The following CD109 variants were observed in gnomAD, a reference collection of about 807,000 sequenced individuals.
CD109 encodes CD109 molecule.
Under a neutral mutation model 165.8 loss-of-function variants are expected in CD109, and 149 were observed. The observed-to-expected ratio is 0.90, with a 90% CI of 0.79 to 1.03. The LOEUF is 1.03. Ranked by LOEUF, CD109 falls within the 50% of genes least tolerant of loss-of-function variation. CD109 has a pLI of 0.00. For synonymous variants in CD109, 585 were observed against 592.1 expected (o/e 0.99, Z 0.18); for missense variants, 1,712 against 1,677.8 (o/e 1.02, Z -0.36).
rs554620548 is a variant in CD109, at chr6:73,825,070, T to C, written c.*1437T>C. 2 of 152,352 alleles carry C rather than the reference T, an allele frequency of 1.3e-5. No individual in the cohort carries two copies. The highest frequency in any genetic ancestry group is 4.8e-5 in the African/African-American group (2 of 41,584). The allele number at this position is 152,352 out of a possible 1,614,324, so 9.4% of individuals were successfully genotyped here. A position where few individuals can be genotyped will look rare whatever the true frequency, so the allele number is the denominator to read the frequency against. ...AAGTATGCAAATGTATCTTTTAAAG[T>C]TAATTTTTAAAAATGCTCTTATTTT... is the stretch of plus-strand genomic sequence containing the variant. On this transcript the variant is annotated 3_prime_UTR_variant, in exon 33 of 33. Coordinates refer to ENST00000287097, the MANE Select transcript of CD109 (RefSeq NM_133493.5).
In CD109 at chr6:73,826,375, A is replaced by G. The variant is rs1776277543; in HGVS notation, c.*2742A>G. 1 of 152,200 alleles carries G rather than the reference A, an allele frequency of 6.6e-6. No homozygotes were observed. Among genetic ancestry groups the G allele is most frequent in the Non-Finnish European group, 1.5e-5 (1 of 68,042 alleles). The allele number at this position is 152,200 out of a possible 1,614,324, so 9.4% of individuals were successfully genotyped here. A position where few individuals can be genotyped will look rare whatever the true frequency, so the allele number is the denominator to read the frequency against. On this transcript the variant is annotated 3_prime_UTR_variant, in exon 33 of 33. Transcript: ENST00000287097. ...AATGTCATTTACTGGTATGAACTAA[A>G]GTCCCCCTTCTTTTCCACTCACTGG...
At chr6:73,767,453 A>T (rs1239882224) in intron 13 of CD109, among the ~76,000 whole-genome samples, 1 of 152,172 alleles carries the variant, frequency 6.6e-6, no homozygotes, top group Non-Finnish European at 1.5e-5. Flanking sequence ...TATCCAGTCC[A>T]CCTTTGATGG....
intron 2 of CD109, among the ~76,000 whole-genome samples, chr6:73,719,070 A>G (rs1014214769): frequency 2.0e-5 from 3 of 152,228 alleles, no homozygotes; most frequent in South Asian, 2.1e-4. Flanking sequence ...TTATTAGTTC[A>G]GCATTTAATC....
Position 73,715,878 on chromosome 6 carries a change from T to G in CD109, c.248-7373T>G, listed in dbSNP as rs150619503. Among the ~76,000 whole-genome samples the G allele has an allele frequency of 1.4e-3, 220 of 152,336 alleles. 2 individuals carry two copies. Among genetic ancestry groups the G allele is most frequent in the African/African-American group, 4.8e-3 (198 of 41,588 alleles). On this transcript the variant is annotated intron_variant, in intron 2 of 32. Transcript: ENST00000287097. ...ACTAGGTCTTATTCATTTTTCTAAC[T>G]ATTTTTTGTGCCCATTAACCATCCT...
At chr6:73,778,522 C>T (rs964020072) in intron 15 of CD109, among the ~76,000 whole-genome samples, 1 of 152,150 alleles carries the variant, frequency 6.6e-6, no homozygotes, top group Admixed American at 6.5e-5. Context: ...GAATTGGTGT[C>T]TGAGCAAGAG....
intron 2 of CD109, among the ~76,000 whole-genome samples, chr6:73,709,539 A>T (rs1367869833): frequency 1.3e-5 from 2 of 152,202 alleles, no homozygotes; most frequent in Non-Finnish European, 2.9e-5. Flanking sequence ...TCTGTGAAGA[A>T]AGTCATTGGT....
chr6:73,812,315 T>C (rs774657777), intron 29 of CD109, 45 bp downstream of exon 29: 4 of 1,249,696 alleles, frequency 3.2e-6, no homozygotes, highest in Non-Finnish European at 3.5e-6. Flanking sequence ...TGACTTTTTA[T>C]AATAATTATT....
intron 19 of CD109, among the ~76,000 whole-genome samples, chr6:73,784,371 A>G (rs6922211): frequency 0.39 from 58,247 of 150,050 alleles, 11,412 homozygotes; most frequent in African/African-American, 0.47. Flanking sequence ...GTGTAGATTG[A>G]AAAATGCTTT....
At chr6:73,741,383 C>G (rs1383247512) in intron 5 of CD109, among the ~76,000 whole-genome samples, 4 of 152,164 alleles carry the variant, frequency 2.6e-5, no homozygotes, top group African/African-American at 9.7e-5. Flanking sequence ...GCACCAAGCC[C>G]TCCTCTCAGA....
intron 23 of CD109, among the ~76,000 whole-genome samples, chr6:73,797,957 G>A (rs1251527474): frequency 6.6e-6 from 1 of 152,048 alleles, no homozygotes; most frequent in African/African-American, 2.4e-5. Context: ...TAACTTAAAG[G>A]TGATACTCTT....
chr6:73,745,587 G>C (rs948705884), intron 5 of CD109, among the ~76,000 whole-genome samples: 1 of 152,210 alleles, frequency 6.6e-6, no homozygotes, highest in African/African-American at 2.4e-5. Flanking sequence ...CAGCAGCCAT[G>C]TGTTTAGATT....
At chr6:73,801,969 T>A (rs1189191059) in intron 23 of CD109, among the ~76,000 whole-genome samples, 2 of 152,204 alleles carry the variant, frequency 1.3e-5, no homozygotes, top group Admixed American at 1.3e-4. Flanking sequence ...GGTTGCTTTT[T>A]TAGTGATAAG....
intron 5 of CD109, among the ~76,000 whole-genome samples, chr6:73,739,464 T>C (rs1772675320): frequency 6.6e-6 from 1 of 152,168 alleles, no homozygotes; most frequent in Non-Finnish European, 1.5e-5. Flanking sequence ...ATTTATTATT[T>C]AAATAGCCCA....
At position 73,763,592 on chromosome 6, in the gene CD109, A is replaced by G; in HGVS notation, c.1014A>G (p.Val338=). Residue 338 remains valine, a synonymous_variant, in exon 10 of 33, where the codon GTA becomes GTG. Transcript: ENST00000287097. ...TESVTGISRN[V]STNVFFKQHD... Reference sequence around the variant, plus strand: ...CCAAAAAAGGTATTTCAAGAAATGTAAGCACTAATGTGTTCTTCAAGCAAC... The same window carrying G: ...CCAAAAAAGGTATTTCAAGAAATGTGAGCACTAATGTGTTCTTCAAGCAAC... 1 of 1,570,780 alleles carries G rather than the reference A, an allele frequency of 6.4e-7. No individual in the cohort carries two copies. The highest frequency in any genetic ancestry group is 8.7e-7 in the Non-Finnish European group (1 of 1,152,734).
In CD109 at chr6:73,751,647, G is replaced by A. The variant is rs552111272; in HGVS notation, c.634-4996G>A. Among the ~76,000 whole-genome samples, 5 of 152,236 alleles carry A rather than the reference G, an allele frequency of 3.3e-5. No individual in the cohort carries two copies. The East Asian group carries it at 9.7e-4, about 29-fold the overall frequency. On this transcript the variant is annotated intron_variant, in intron 5 of 32. Transcript: ENST00000287097. The stretch of plus-strand genomic sequence containing the variant: ...TATACCCTTTAGAGTTTTCAGGTGT[G>A]TCAACAGCCTGCTCACTGACAGCTT...
In CD109 at chr6:73,781,281, CAG is replaced by C; in HGVS notation, c.1927_1928del (p.Asp643CysfsTer9). Reference sequence around the variant, plus strand: ...TAGGAATGTGGACTCTGGGTATTGACAGATGCAAACCTCACGAAGGATTATAT... The same window carrying C: ...TAGGAATGTGGACTCTGGGTATTGACATGCAAACCTCACGAAGGATTATAT... On this transcript the variant is annotated frameshift_variant, in exon 17 of 33. Transcript: ENST00000287097. LOFTEE classifies it high-confidence loss of function. The C allele has an allele frequency of 6.2e-7, 1 of 1,612,922 alleles. No homozygotes were observed. The highest frequency in any genetic ancestry group is 8.5e-7 in the Non-Finnish European group (1 of 1,179,114).
chr6:73,782,192 G>C (rs1201432626), intron 17 of CD109, among the ~76,000 whole-genome samples: 1 of 152,090 alleles, frequency 6.6e-6, no homozygotes, highest in Non-Finnish European at 1.5e-5. Context: ...CCTCTGTCCT[G>C]AAACTTAAAA....
At chr6:73,821,932 T>C (rs1776123034) in intron 32 of CD109, among the ~76,000 whole-genome samples, 1 of 152,232 alleles carries the variant, frequency 6.6e-6, no homozygotes, top group Non-Finnish European at 1.5e-5. Flanking sequence ...ATGAACAGCA[T>C]CTGCAATGCA....
intron 11 of CD109, 67 bp downstream of exon 11, chr6:73,766,221 C>A: frequency 1.6e-6 from 2 of 1,255,210 alleles, no homozygotes; most frequent in Non-Finnish European, 2.3e-6. Flanking sequence ...TTGTGGTAGG[C>A]ACTCAACCTG....
Sources: allele counts gnomAD v4.1 joint callset (sites outside exome capture counted in the v4.1 genomes callset), GRCh38; gene constraint gnomAD v4.1.1; transcripts MANE v1.5; gene names NCBI Gene and HGNC (gene_info 2026-07-23, HGNC 2026-07-21).